NAALADL2: variants seen among roughly 807,000 people sequenced by gnomAD.
The protein encoded by NAALADL2 is N-acetylated alpha-linked acidic dipeptidase like 2, also known as inactive N-acetylated-alpha-linked acidic dipeptidase-like protein 2.
NAALADL2 carries 76 observed loss-of-function variants against 87.2 expected under a neutral mutation model. That is an observed-to-expected ratio of 0.87 (90% CI 0.72 to 1.05). The LOEUF (loss-of-function observed/expected upper bound fraction) is 1.05. Among genes scored for constraint, NAALADL2 ranks in the 50% least tolerant of loss-of-function variants. NAALADL2 has a pLI of 0.00. For synonymous variants in NAALADL2, 354 were observed against 331.0 expected (o/e 1.07, Z -0.75); for missense variants, 1,089 against 945.8 (o/e 1.15, Z -1.99).
chr3:175,344,032 A>G (rs1035221018), intron 5 of NAALADL2, among the ~76,000 whole-genome samples: 4 of 152,052 alleles, frequency 2.6e-5, no homozygotes, highest in African/African-American at 9.7e-5. Context: ...CCAGTTCTGA[A>G]AAAATACTGG....
chr3:175,783,212 C>T (rs555385662), intron 13 of NAALADL2, among the ~76,000 whole-genome samples: 3 of 152,210 alleles, frequency 2.0e-5, no homozygotes, highest in African/African-American at 7.2e-5. Flanking sequence ...TCCATAAGAA[C>T]TTTAAAGTAG....
chr3:174,609,887 G>A (rs1161519780), intron 2 of NAALADL2, among the ~76,000 whole-genome samples: 1 of 152,102 alleles, frequency 6.6e-6, no homozygotes, highest in East Asian at 1.9e-4. Context: ...CAAAGCTGGA[G>A]GCATCATGCT....
At chr3:175,260,444 T>G in intron 4 of NAALADL2, among the ~76,000 whole-genome samples, 1 of 152,308 alleles carries the variant, frequency 6.6e-6, no homozygotes, top group South Asian at 2.1e-4. Context: ...CTGCTGTATC[T>G]TTCAATATAC....
chr3:175,694,729 T>A (rs2149931797), intron 11 of NAALADL2, among the ~76,000 whole-genome samples: 1 of 152,290 alleles, frequency 6.6e-6, no homozygotes, highest in South Asian at 2.1e-4. Context: ...AAATTCTGAC[T>A]TTAGGGATGC....
intron 2 of NAALADL2, among the ~76,000 whole-genome samples, chr3:174,721,772 G>A (rs1731734287): frequency 6.6e-6 from 1 of 152,098 alleles, no homozygotes; most frequent in Non-Finnish European, 1.5e-5. Flanking sequence ...GAATACCGCA[G>A]GGTCACGTGG....
chr3:175,130,002 A>T (rs1299362502), intron 2 of NAALADL2, among the ~76,000 whole-genome samples: 2 of 152,096 alleles, frequency 1.3e-5, no homozygotes, highest in Non-Finnish European at 2.9e-5. Flanking sequence ...TAGCTATCCT[A>T]TCAGCTGTGA....
chr3:175,036,635 G>A (rs1265248327), intron 1 of NAALADL2, among the ~76,000 whole-genome samples: 9 of 151,824 alleles, frequency 5.9e-5, no homozygotes, highest in Admixed American at 1.3e-4. Flanking sequence ...TCCTGACCTC[G>A]TGTTCTGCCT....
chr3:175,536,912 G>A (rs1010090816), intron 9 of NAALADL2, among the ~76,000 whole-genome samples: 4 of 152,198 alleles, frequency 2.6e-5, no homozygotes, highest in Non-Finnish European at 5.9e-5. Context: ...AACCCGGGAG[G>A]CGGAGCTTGC....
intron 4 of NAALADL2, among the ~76,000 whole-genome samples, chr3:175,260,268 A>C (rs1482340345): frequency 1.3e-5 from 2 of 152,152 alleles, no homozygotes; most frequent in Non-Finnish European, 2.9e-5. Flanking sequence ...TAAATTTAAA[A>C]AAAATTTCTG....
intron 11 of NAALADL2, among the ~76,000 whole-genome samples, chr3:175,683,003 T>C (rs1490819780): frequency 6.6e-6 from 1 of 151,938 alleles, no homozygotes; most frequent in Non-Finnish European, 1.5e-5. Context: ...CATAACACTC[T>C]TGTGTTTGCT....
intron 11 of NAALADL2, chr3:175,718,772 T>C: frequency 1.2e-6 from 1 of 856,974 alleles, no homozygotes; most frequent in Non-Finnish European, 1.8e-6. Context: ...CAAATGTATT[T>C]AAAAATTAGC....
At chr3:174,739,393 G>C (rs1733535157) in intron 3 of NAALADL2, among the ~76,000 whole-genome samples, 1 of 152,084 alleles carries the variant, frequency 6.6e-6, no homozygotes, top group Non-Finnish European at 1.5e-5. Flanking sequence ...GAAGATTTTA[G>C]GGAGTCACAT....
chr3:175,702,041 C>A (rs1739064408), intron 11 of NAALADL2, among the ~76,000 whole-genome samples: 2 of 152,080 alleles, frequency 1.3e-5, no homozygotes, highest in South Asian at 4.1e-4. Context: ...CTATTCAACT[C>A]CAATATTTAT....
intron 2 of NAALADL2, among the ~76,000 whole-genome samples, chr3:175,157,303 TTTAAA>T (rs1732473111): frequency 6.6e-6 from 1 of 152,084 alleles, no homozygotes; most frequent in South Asian, 2.1e-4. Context: ...AAGCTGGAAT[TTTAAA>T]TTAAATATGA....
intron 1 of NAALADL2, among the ~76,000 whole-genome samples, chr3:174,511,961 T>C (rs1719625191): frequency 6.6e-6 from 1 of 152,120 alleles, no homozygotes. Context: ...CTTGCCTGTT[T>C]TCTTACTTTT....
intron 2 of NAALADL2, among the ~76,000 whole-genome samples, chr3:174,631,376 C>T (rs997288549): frequency 3.3e-5 from 5 of 152,156 alleles, no homozygotes; most frequent in African/African-American, 4.8e-5. Flanking sequence ...ATTATTGATT[C>T]TTTCACTATT....
At chr3:175,655,704 T>C (rs1411816060) in intron 11 of NAALADL2, 1 of 105,468 alleles carries the variant, frequency 9.5e-6, no homozygotes, top group Non-Finnish European at 1.7e-5. Context: ...ATAAATAAAA[T>C]AAAATAAAAT....
intron 2 of NAALADL2, among the ~76,000 whole-genome samples, chr3:174,580,044 T>C (rs754243555): frequency 4.6e-5 from 7 of 152,076 alleles, no homozygotes; most frequent in Non-Finnish European, 7.4e-5. Flanking sequence ...TTAAAATTAT[T>C]GGACTTTTAA....
chr3:174,833,472 A>G (rs1342234618), intron 3 of NAALADL2, among the ~76,000 whole-genome samples: 1 of 152,190 alleles, frequency 6.6e-6, no homozygotes, highest in Non-Finnish European at 1.5e-5. Flanking sequence ...AAATAGTATC[A>G]TACATTTAAG....
Sources: allele counts gnomAD v4.1 joint callset (sites outside exome capture counted in the v4.1 genomes callset), GRCh38; gene constraint gnomAD v4.1.1; transcripts MANE v1.5; gene names NCBI Gene and HGNC (gene_info 2026-07-23, HGNC 2026-07-21).